The following MED12L variants were observed in gnomAD, a reference collection of about 807,000 sequenced individuals.
MED12L encodes the protein mediator of RNA polymerase II transcription subunit 12-like protein.
Under a neutral mutation model 281.3 loss-of-function variants are expected in MED12L, and 60 were observed. The ratio of observed to expected loss-of-function variants is 0.21; its 90% CI spans 0.17 to 0.26. MED12L has a LOEUF of 0.26. Ranked by LOEUF, MED12L falls within the 10% of genes least tolerant of loss-of-function variation. The probability of loss-of-function intolerance (pLI) is 1.00; values close to 1 mark genes in which losing one functional copy is unlikely to be tolerated. For synonymous variants in MED12L, 974 were observed against 987.2 expected (o/e 0.99, Z 0.25); for missense variants, 2,146 against 2,680.9 (o/e 0.80, Z 4.41).
intron 2 of MED12L, among the ~76,000 whole-genome samples, chr3:151,098,859 C>A (rs1427824162): frequency 6.6e-6 from 1 of 152,142 alleles, no homozygotes; most frequent in East Asian, 1.9e-4. Flanking sequence ...ATACCTGAGA[C>A]TGGGTAATTT....
intron 16 of MED12L, among the ~76,000 whole-genome samples, chr3:151,293,138 A>T (rs1744487840): frequency 6.6e-6 from 1 of 152,190 alleles, no homozygotes; most frequent in Admixed American, 6.5e-5. Flanking sequence ...AGACACTTAG[A>T]GTAAGATTCT....
intron 3 of MED12L, among the ~76,000 whole-genome samples, chr3:151,116,918 A>G (rs1479792003): frequency 6.6e-6 from 1 of 152,154 alleles, no homozygotes; most frequent in Non-Finnish European, 1.5e-5. Flanking sequence ...ATCTCCCTGC[A>G]TTGGAAAGGT....
At position 151,365,214 on chromosome 3, in the gene MED12L, G is replaced by A. The variant is rs1560081268; in HGVS notation, c.3185+8G>A. 4.4e-6 allele frequency: 7 copies of A among 1,605,918 alleles called. No individual in the cohort carries two copies. Among genetic ancestry groups the A allele is most frequent in the Non-Finnish European group, 6.0e-6 (7 of 1,172,822 alleles). On this transcript the variant is annotated splice_region_variant and intron_variant, in intron 22 of 44. Transcript: ENST00000687756. ...CCATCAGGATGCTGGCAGGTGAGAT[G>A]GGTTACCCTGGAATTCATGATTAAC...
chr3:151,384,803 T>C (rs1188951698), intron 35 of MED12L: 4 of 458,474 alleles, frequency 8.7e-6, no homozygotes, highest in South Asian at 8.1e-5. Context: ...GTTTGTTGTG[T>C]AACAACAGTG....
At chr3:151,284,871 G>C (rs888170497) in intron 16 of MED12L, among the ~76,000 whole-genome samples, 1 of 152,102 alleles carries the variant, frequency 6.6e-6, no homozygotes, top group Non-Finnish European at 1.5e-5. Context: ...GCCTCCCAAA[G>C]TGCTGGGATT....
chr3:151,147,354 T>TA (rs1560093459), intron 5 of MED12L, among the ~76,000 whole-genome samples: 1 of 152,360 alleles, frequency 6.6e-6, no homozygotes, highest in South Asian at 2.1e-4. Context: ...ATTTGAATAT[T>TA]AAAAAACCAG....
intron 43 of MED12L, among the ~76,000 whole-genome samples, chr3:151,417,786 G>A (rs74397235): frequency 0.043 from 6,599 of 152,138 alleles, 515 homozygotes; most frequent in African/African-American, 0.15. Flanking sequence ...CCATTTTTAA[G>A]TTAATTCTTT....
At chr3:151,215,073 A>G (rs966231514) in intron 16 of MED12L, among the ~76,000 whole-genome samples, 2 of 151,482 alleles carry the variant, frequency 1.3e-5, no homozygotes, top group Admixed American at 1.3e-4. Context: ...GTTAACCGGT[A>G]TTTTTGGTAT....
intron 2 of MED12L, among the ~76,000 whole-genome samples, chr3:151,108,562 GT>G (rs1422298414): frequency 6.6e-6 from 1 of 152,158 alleles, no homozygotes. Context: ...CATGAAAAGT[GT>G]TTTGTTTGTT....
intron 16 of MED12L, chr3:151,328,354 T>A (rs765128279): frequency 1.2e-6 from 2 of 1,610,876 alleles, no homozygotes; most frequent in East Asian, 4.5e-5. Flanking sequence ...AATCATATAC[T>A]TTTTTTGCAA....
In MED12L at chr3:151,420,955, A is replaced by G. The variant is rs529690899; in HGVS notation, c.6408+4533A>G. ...CCATTTCCATGGTGGAAGAAGTCCA[A>G]TATAATCAACCTGCCACCATGTAGC... On this transcript the variant is annotated intron_variant, in intron 43 of 44. Transcript: ENST00000687756. 1.1e-4 allele frequency among the ~76,000 whole-genome samples: 16 copies of G among 152,338 alleles called. No homozygotes were observed. In the South Asian group the frequency reaches 1.5e-3, roughly 14 times the overall value.
At position 151,435,383 on chromosome 3, in the gene MED12L, A is replaced by T. The variant is rs1434522154; in HGVS notation, c.*2579A>T. ...TCTTGGCCTGGAAGTAGAGGAGATC[A>T]ATGCGTAGCTTTGACCACTTCCAGC... On this transcript the variant is annotated 3_prime_UTR_variant, in exon 45 of 45. Coordinates refer to ENST00000687756, the MANE Select transcript of MED12L (RefSeq NM_001393769.1). 6.6e-6 allele frequency: 1 copy of T among 152,096 alleles called. No individual in the cohort carries two copies. The highest frequency in any genetic ancestry group is 2.4e-5 in the African/African-American group (1 of 41,396). 9.4% of individuals were successfully genotyped at this position (152,096 alleles called of 1,614,324 possible).
chr3:151,105,751 C>A (rs73013000), intron 2 of MED12L, among the ~76,000 whole-genome samples: 1 of 152,082 alleles, frequency 6.6e-6, no homozygotes, highest in Non-Finnish European at 1.5e-5. Flanking sequence ...AGACAACTCA[C>A]GACTTTAAGA....
chr3:151,434,266 T>C lies in MED12L; in HGVS notation c.*1462T>C, dbSNP rs1441246717. 6.6e-6 allele frequency: 1 copy of C among 152,220 alleles called. No homozygotes were observed. The highest frequency in any genetic ancestry group is 1.5e-5 in the Non-Finnish European group (1 of 68,038). The allele number at this position is 152,220 out of a possible 1,614,324, so 9.4% of individuals were successfully genotyped here. On this transcript the variant is annotated 3_prime_UTR_variant, in exon 45 of 45. Transcript: ENST00000687756. ...TAGTACAACTTTAGTAGACATTTTC[T>C]TTTGCAAATCATTATCTATAAATAA...
chr3:151,359,797 A>T (rs1340166495), intron 20 of MED12L, among the ~76,000 whole-genome samples: 1 of 152,174 alleles, frequency 6.6e-6, no homozygotes, highest in Non-Finnish European at 1.5e-5. Context: ...TCAGATGCAC[A>T]GATAGGTGAA....
Position 151,382,759 on chromosome 3 carries a change from C to T in MED12L, c.4680+14C>T, listed in dbSNP as rs1577514444. Reference sequence around the variant, plus strand: ...CGCCTAAATTTGGTAAGTGACATTTCTAGTATTTTCCCTCCATTAAACATA... The same window carrying T: ...CGCCTAAATTTGGTAAGTGACATTTTTAGTATTTTCCCTCCATTAAACATA... On this transcript the variant is annotated intron_variant, in intron 33 of 44. Coordinates refer to ENST00000687756, the MANE Select transcript of MED12L (RefSeq NM_001393769.1). 1 of 1,594,468 alleles carries T rather than the reference C, an allele frequency of 6.3e-7. No homozygotes were observed. The highest frequency in any genetic ancestry group is 2.3e-5 in the East Asian group (1 of 44,078).
rs1282757898 is a variant in MED12L, at chr3:151,433,441, A to G, written c.*637A>G. ...AAACAGATTGTTGCTTCGTACTTAA[A>G]CTTCTTAAACCAAGAACCTAAACCA... On this transcript the variant is annotated 3_prime_UTR_variant, in exon 45 of 45. Transcript: ENST00000687756. 6.6e-6 allele frequency: 1 copy of G among 152,650 alleles called. No individual in the cohort carries two copies. The highest frequency in any genetic ancestry group is 1.5e-5 in the Non-Finnish European group (1 of 68,042). The allele number at this position is 152,650 out of a possible 1,614,324, so 9.5% of individuals were successfully genotyped here.
chr3:151,166,179 C>G (rs1029262149), intron 11 of MED12L, among the ~76,000 whole-genome samples, 197 bp downstream of exon 11: 1 of 152,094 alleles, frequency 6.6e-6, no homozygotes, highest in Non-Finnish European at 1.5e-5. Context: ...GGCTTATCTA[C>G]CTAGGAATAT....
At chr3:151,415,696 C>T (rs1459447659) in intron 42 of MED12L, among the ~76,000 whole-genome samples, 1 of 152,158 alleles carries the variant, frequency 6.6e-6, no homozygotes, top group East Asian at 1.9e-4. Flanking sequence ...ATATTTTTCT[C>T]TCCTCTGTGT....
Sources: gnomAD v4.1 joint callset for allele counts (sites outside exome capture counted in the v4.1 genomes callset) on GRCh38, gnomAD v4.1.1 for gene constraint, MANE v1.5 for transcripts, NCBI Gene and HGNC (gene_info 2026-07-23, HGNC 2026-07-21) for gene names.